HOXB3: variants seen among roughly 807,000 people sequenced by gnomAD.
The protein encoded by HOXB3 is homeobox protein Hox-B3.
In HOXB3, 17 loss-of-function variants were observed where a neutral mutation model predicts 29.2. That is an observed-to-expected ratio of 0.58 (90% CI 0.40 to 0.87). The LOEUF is 0.87. Ranked by LOEUF, HOXB3 falls within the 40% of genes least tolerant of loss-of-function variation. The pLI is 0.00. For synonymous variants in HOXB3, 317 were observed against 285.9 expected (o/e 1.11, Z -1.10); for missense variants, 637 against 616.3 (o/e 1.03, Z -0.35).
At chr17:48,589,021 C>T (rs1489184502) in intron 1 of HOXB3, among the ~76,000 whole-genome samples, 1 of 151,094 alleles carries the variant, frequency 6.6e-6, no homozygotes, top group African/African-American at 2.4e-5. Flanking sequence ...GGGTAGTTAG[C>T]CCCACGGGTG....
intron 2 of HOXB3, 98 bp from the exon 3 acceptor site, chr17:48,555,716 G>A: frequency 1.5e-6 from 1 of 652,328 alleles, no homozygotes; most frequent in East Asian, 2.9e-5. Flanking sequence ...GGGAGCCCGA[G>A]GGGCAGACCG....
At position 48,551,096 on chromosome 17, in the gene HOXB3, C is replaced by CCCTCCCCCGCCGCCGCCGCCA; in HGVS notation, c.513_533dup (p.Gly172_Gly178dup). 1 of 1,409,208 alleles carries CCCTCCCCCGCCGCCGCCGCCA rather than the reference C, an allele frequency of 7.1e-7. No homozygotes were observed. Among genetic ancestry groups the CCCTCCCCCGCCGCCGCCGCCA allele is most frequent in the Non-Finnish European group, 9.3e-7 (1 of 1,078,862 alleles). The allele number at this position is 1,409,208 out of a possible 1,614,324, so 87.3% of individuals were successfully genotyped here. On this transcript the variant is annotated inframe_insertion, in exon 5 of 5. Transcript: ENST00000498678. ...CCGCCGACCCCGGGGGGCTCTTGTC[C>CCCTCCCCCGCCGCCGCCGCCA]CCTCCCCCGCCGCCGCCGCCACCGC... is the stretch of plus-strand genomic sequence containing the variant.
intron 1 of HOXB3, chr17:48,578,127 AGCGCTGCACGGTGCACGCCGC>A: frequency 6.9e-7 from 1 of 1,443,038 alleles, no homozygotes; most frequent in Non-Finnish European, 9.2e-7. Flanking sequence ...CAGGCCGCGT[AGCGCTGCACGGTGCACGCCGC>A]GCGCCGCCCG....
chr17:48,555,440 T>C, intron 3 of HOXB3, 91 bp downstream of exon 3: 1 of 696,430 alleles, frequency 1.4e-6, no homozygotes, highest in Non-Finnish European at 2.6e-6. Context: ...TGAACTCTTC[T>C]TGAACCGAGA....
chr17:48,554,801 A>G lies in HOXB3; in HGVS notation c.-159+730T>C. 1 of 702,298 alleles carries G rather than the reference A, an allele frequency of 1.4e-6. No individual in the cohort carries two copies. Among genetic ancestry groups the G allele is most frequent in the Non-Finnish European group, 2.6e-6 (1 of 384,796 alleles). 43.5% of individuals were successfully genotyped at this position (702,298 alleles called of 1,614,324 possible). On this transcript the variant is annotated intron_variant, in intron 3 of 4. Transcript: ENST00000498678. The surrounding 1 kb of genome is among the most constrained non-coding windows in gnomAD (Gnocchi z 4.1). ...GGCGCCTTAGAAACTCCGCTTCGGG[A>G]CTTTGCTCAGCAGGGCTCCGGGTTG...
intron 1 of HOXB3, chr17:48,577,021 C>A: frequency 6.3e-7 from 1 of 1,597,252 alleles, no homozygotes; most frequent in Non-Finnish European, 8.5e-7. Flanking sequence ...TTGGGGTTTA[C>A]TGGACACACA....
intron 1 of HOXB3, among the ~76,000 whole-genome samples, chr17:48,588,468 C>T (rs2070086661): frequency 6.6e-6 from 1 of 152,196 alleles, no homozygotes; most frequent in Non-Finnish European, 1.5e-5. Context: ...GAAGGGCTTT[C>T]AGAAAGGGAA....
At chr17:48,569,853 G>T (rs1034042426) in intron 2 of HOXB3, among the ~76,000 whole-genome samples, 1 of 152,210 alleles carries the variant, frequency 6.6e-6, no homozygotes, top group African/African-American at 2.4e-5. Flanking sequence ...GAGAATAACC[G>T]CAAGGGGGAC....
chr17:48,567,314 G>A (rs191298188), intron 2 of HOXB3, among the ~76,000 whole-genome samples: 23 of 152,352 alleles, frequency 1.5e-4, no homozygotes, highest in Middle Eastern at 3.4e-3. Flanking sequence ...ACACCTGGGC[G>A]CGGCGTTGCT....
chr17:48,577,390 A>G (rs1022064179), intron 1 of HOXB3, among the ~76,000 whole-genome samples: 2 of 152,076 alleles, frequency 1.3e-5, no homozygotes, highest in African/African-American at 4.8e-5. Flanking sequence ...TTTAGTTCCC[A>G]CCCTTGCTGC....
intron 2 of HOXB3, among the ~76,000 whole-genome samples, chr17:48,573,003 T>C (rs2069636238): frequency 6.6e-6 from 1 of 152,036 alleles, no homozygotes; most frequent in Non-Finnish European, 1.5e-5. Context: ...AAACCCTAAG[T>C]GAGGCCTCAG....
intron 2 of HOXB3, among the ~76,000 whole-genome samples, chr17:48,561,691 C>A (rs1280699604): frequency 6.6e-6 from 1 of 152,162 alleles, no homozygotes; most frequent in African/African-American, 2.4e-5. Flanking sequence ...GATCAGGAAA[C>A]TGAGGCCCAG....
chr17:48,564,264 G>A (rs974839976), intron 2 of HOXB3, among the ~76,000 whole-genome samples: 1 of 151,630 alleles, frequency 6.6e-6, no homozygotes, highest in African/African-American at 2.4e-5. Flanking sequence ...CCGGGCGCTG[G>A]GTGCGCGCGG....
chr17:48,576,755 AG>A (rs1278368885), intron 1 of HOXB3: 3 of 1,425,406 alleles, frequency 2.1e-6, no homozygotes, highest in Non-Finnish European at 2.8e-6. Context: ...TGGGCCGGCC[AG>A]GGGGCCCTCC....
chr17:48,577,212 T>G (rs2069794733), intron 1 of HOXB3, among the ~76,000 whole-genome samples: 1 of 152,132 alleles, frequency 6.6e-6, no homozygotes, highest in African/African-American at 2.4e-5. Context: ...CTCCAAGTTT[T>G]GGAGGGCTGT....
At chr17:48,551,219 G>T in intron 4 of HOXB3, 38 bp from the exon 5 acceptor site, 1 of 1,274,160 alleles carries the variant, frequency 7.8e-7, no homozygotes, top group East Asian at 3.1e-5. Flanking sequence ...GGGAGAAAAT[G>T]AAATAAAAGA....
intron 2 of HOXB3, among the ~76,000 whole-genome samples, chr17:48,573,230 CAGTTTCCTGCTCCAGAG>C (rs2069644264): frequency 6.6e-6 from 1 of 152,170 alleles, no homozygotes; most frequent in South Asian, 2.1e-4. Flanking sequence ...GTGAACTGAG[CAGTTTCCTGCTCCAGAG>C]AGTAGCACAT....
Position 48,552,357 on chromosome 17 carries a change from C to A in HOXB3, c.118G>T (p.Ala40Ser). 2 of 1,613,784 alleles carry A rather than the reference C, an allele frequency of 1.2e-6. No individual in the cohort carries two copies. Among genetic ancestry groups the A allele is most frequent in the Non-Finnish European group, 1.7e-6 (2 of 1,179,854 alleles). The change falls in exon 4 of 5, where the codon GCC (alanine) becomes TCC (serine). Residue 40 changes from alanine (A) to serine (S), a missense_variant. By Grantham distance (99) the Ala-to-Ser change is moderately conservative. Transcript: ENST00000498678. ...TGGTAGTCGCCCTCCAGGTGCGTGG[C>A]GGCCTGAAATGGGGGTTGGGGGGGG... ...DVPPQPPFQA[A>S]THLEGDYQRS...
At position 48,550,784 on chromosome 17, in the gene HOXB3, C is replaced by T. The variant is rs765777963; in HGVS notation, c.846G>A (p.Met282Ile). 1 of 1,610,338 alleles carries T rather than the reference C, an allele frequency of 6.2e-7. No individual in the cohort carries two copies. Among genetic ancestry groups the T allele is most frequent in the African/African-American group, 1.3e-5 (1 of 74,804 alleles). The change falls in exon 5 of 5, where the codon ATG becomes ATA. Residue 282 changes from methionine to isoleucine, a missense_variant. Coordinates refer to ENST00000498678, the MANE Select transcript of HOXB3 (RefSeq NM_001384749.1). ...TAGFMNALHS[M>I]TPSYESPSPP... ...GGGACGGGCTCTCGTAGCTGGGGGT[C>T]ATGGAGTGTAAGGCGTTCATGAAGC...
Sources: allele counts gnomAD v4.1 joint callset (sites outside exome capture counted in the v4.1 genomes callset), GRCh38; gene constraint gnomAD v4.1.1; non-coding constraint Gnocchi (gnomAD v3.1); transcripts MANE v1.5; gene names NCBI Gene and HGNC (gene_info 2026-07-23, HGNC 2026-07-21).